HDAC4: variants seen among roughly 807,000 people sequenced by gnomAD.
HDAC4 encodes the protein histone deacetylase A.
HDAC4 carries 16 observed loss-of-function variants against 135.1 expected under a neutral mutation model. The observed-to-expected ratio is 0.12, with a 90% CI of 0.08 to 0.18. The LOEUF is 0.18. Among genes scored for constraint, HDAC4 ranks in the 10% least tolerant of loss-of-function variants. The probability of loss-of-function intolerance (pLI) is 1.00; values close to 1 mark genes in which losing one functional copy is unlikely to be tolerated. For missense variants in HDAC4, 1,143 were observed against 1,511.8 expected, an observed-to-expected ratio of 0.76 and a Z score of 4.05; for synonymous variants, 685 against 653.4, an observed-to-expected ratio of 1.05 and a Z score of -0.74.
chr2:239,090,133 C>T lies in HDAC4; in HGVS notation c.2281-17G>A, dbSNP rs779166933. On this transcript the variant is annotated splice_polypyrimidine_tract_variant and intron_variant, in intron 17 of 26. Coordinates refer to ENST00000543185, the MANE Select transcript of HDAC4 (RefSeq NM_001378414.1). The stretch of plus-strand genomic sequence containing the variant: ...ACTGTCCACCTGTGGAAACAACACC[C>T]CACAGTGAGGTCACCCTCCCAGGCC... 15 of 1,578,282 alleles carry T rather than the reference C, an allele frequency of 9.5e-6. No individual in the cohort carries two copies. The highest frequency in any genetic ancestry group is 3.3e-5 in the Admixed American group (2 of 59,972).
rs1203829098 is a variant in HDAC4 at position 239,400,820 on chromosome 2, C to A, written c.-220+158G>T. On this transcript the variant is annotated intron_variant, in intron 1 of 26. Transcript: ENST00000543185. This position sits in a 1 kb window ranked among gnomAD's most constrained non-coding sequence, Gnocchi z 4.7. ...GGCGACAGCCGGGACGCGGCCACGGCGCCGCCGGGGGCCCAGGCTGGGAGG... is the reference window on the plus strand; with the variant it reads ...GGCGACAGCCGGGACGCGGCCACGGAGCCGCCGGGGGCCCAGGCTGGGAGG... 6.9e-6 allele frequency: 1 copy of A among 145,340 alleles called. No individual in the cohort carries two copies. The highest frequency in any genetic ancestry group is 2.0e-4 in the East Asian group (1 of 4,976). 9.0% of individuals were successfully genotyped at this position (145,340 alleles called of 1,614,324 possible).
chr2:239,362,068 T>A (rs751123745), intron 1 of HDAC4, among the ~76,000 whole-genome samples: 1 of 152,226 alleles, frequency 6.6e-6, no homozygotes, highest in Non-Finnish European at 1.5e-5. Context: ...TCAAACACAA[T>A]GCCTTTTAGG....
Position 239,389,819 on chromosome 2 carries a change from G to T in HDAC4, c.-220+11159C>A, listed in dbSNP as rs111424844. ...CCATACCAGGGAGGCCAGTTCCCCAGCCGGCTTCTGGAAGAGGCATGTCCA... is the reference window on the plus strand; with the variant it reads ...CCATACCAGGGAGGCCAGTTCCCCATCCGGCTTCTGGAAGAGGCATGTCCA... On this transcript the variant is annotated intron_variant, in intron 1 of 26. Coordinates refer to ENST00000543185, the MANE Select transcript of HDAC4 (RefSeq NM_001378414.1). 8.4e-4 allele frequency among the ~76,000 whole-genome samples: 128 copies of T among 152,300 alleles called. 1 individual carries two copies. The highest frequency in any genetic ancestry group is 2.9e-3 in the African/African-American group (120 of 41,560).
chr2:239,095,576 C>G (rs1011190832), intron 16 of HDAC4, among the ~76,000 whole-genome samples: 1 of 152,164 alleles, frequency 6.6e-6, no homozygotes, highest in Non-Finnish European at 1.5e-5. Context: ...AGCGACAGCC[C>G]CTCCCTGCGA....
intron 2 of HDAC4, chr2:239,298,684 C>T (rs1218842670): frequency 2.1e-6 from 2 of 937,190 alleles, no homozygotes; most frequent in African/African-American, 1.8e-5. Flanking sequence ...CAGCACCCAA[C>T]AACGTGGAAA....
At chr2:239,396,392 C>T (rs1696564865) in intron 1 of HDAC4, among the ~76,000 whole-genome samples, 1 of 152,118 alleles carries the variant, frequency 6.6e-6, no homozygotes, top group Non-Finnish European at 1.5e-5. Flanking sequence ...AGGAAATTTC[C>T]ATACATTAAC....
intron 4 of HDAC4, among the ~76,000 whole-genome samples, chr2:239,187,614 C>G (rs1373509832): frequency 6.6e-6 from 1 of 152,188 alleles, no homozygotes; most frequent in Non-Finnish European, 1.5e-5. Context: ...TGGTCAGGGC[C>G]GTGAGGGAGG....
At chr2:239,274,370 A>T (rs1404477575) in intron 2 of HDAC4, among the ~76,000 whole-genome samples, 1 of 152,076 alleles carries the variant, frequency 6.6e-6, no homozygotes. Context: ...CACACTTGTG[A>T]TCATTACCAA....
At position 239,303,839 on chromosome 2, in the gene HDAC4, G is replaced by C. The variant is rs2052417089; in HGVS notation, c.22+48839C>G. 6.6e-6 allele frequency among the ~76,000 whole-genome samples: 1 copy of C among 152,166 alleles called. No individual in the cohort carries two copies. The highest frequency in any genetic ancestry group is 1.5e-5 in the Non-Finnish European group (1 of 68,026). ...ATGCTCTCATGAAGCCCCGTGCCAA[G>C]GGCTTCTCCGGGACCCCAGATACCC... On this transcript the variant is annotated intron_variant, in intron 2 of 26. Coordinates refer to ENST00000543185, the MANE Select transcript of HDAC4 (RefSeq NM_001378414.1). The surrounding 1 kb of genome is among the most constrained non-coding windows in gnomAD (Gnocchi z 5.1).
intron 2 of HDAC4, among the ~76,000 whole-genome samples, chr2:239,249,106 A>C (rs2048632610): frequency 6.6e-6 from 1 of 152,232 alleles, no homozygotes; most frequent in Admixed American, 6.5e-5. Flanking sequence ...AGGTGGTGGC[A>C]TTTGAGCCGA....
At chr2:239,227,504 G>A (rs1004188723) in intron 3 of HDAC4, among the ~76,000 whole-genome samples, 3 of 152,204 alleles carry the variant, frequency 2.0e-5, no homozygotes, top group African/African-American at 4.8e-5. Flanking sequence ...AGTGCCCTCT[G>A]CTACAGATGG....
At position 239,139,854 on chromosome 2, in the gene HDAC4, G is replaced by C; in HGVS notation, c.866-58C>G. Reference sequence around the variant, plus strand: ...CTCCATGCGGAGGGAGGGCCGTGCTGACCTGTGGCCCGAATGCCCGGTGCC... The same window carrying C: ...CTCCATGCGGAGGGAGGGCCGTGCTCACCTGTGGCCCGAATGCCCGGTGCC... On this transcript the variant is annotated intron_variant, in intron 8 of 26. Transcript: ENST00000543185. The surrounding 1 kb of genome is among the most constrained non-coding windows in gnomAD (Gnocchi z 5.3). 1 of 1,475,204 alleles carries C rather than the reference G, an allele frequency of 6.8e-7. No homozygotes were observed. 91.4% of individuals were successfully genotyped at this position (1,475,204 alleles called of 1,614,324 possible). A position where few individuals can be genotyped will look rare whatever the true frequency, so the allele number is the denominator to read the frequency against.
chr2:239,102,632 T>G (rs993701900), intron 16 of HDAC4, 144 bp downstream of exon 16: 47 of 868,736 alleles, frequency 5.4e-5, no homozygotes, highest in East Asian at 8.0e-5. Flanking sequence ...GAACAGAGGG[T>G]GAAAGGTTCC....
intron 21 of HDAC4, among the ~76,000 whole-genome samples, chr2:239,081,623 A>G (rs1283098904): frequency 1.3e-5 from 2 of 152,368 alleles, no homozygotes; most frequent in Admixed American, 1.3e-4. Context: ...TTCCTGGATG[A>G]AAGCCCTGCT....
intron 17 of HDAC4, chr2:239,091,779 G>C (rs565695567): frequency 6.6e-6 from 1 of 152,166 alleles, no homozygotes; most frequent in Non-Finnish European, 1.5e-5. Flanking sequence ...GCCAGATGTG[G>C]GCCGGGCGCA....
At chr2:239,108,817 G>A (rs1263791966) in intron 14 of HDAC4, among the ~76,000 whole-genome samples, 2 of 152,244 alleles carry the variant, frequency 1.3e-5, no homozygotes, top group African/African-American at 4.8e-5. Context: ...CCAGCCATGT[G>A]CTCACCACAG....
intron 2 of HDAC4, among the ~76,000 whole-genome samples, chr2:239,244,126 C>T (rs1480450034): frequency 1.3e-5 from 2 of 152,210 alleles, no homozygotes; most frequent in East Asian, 3.8e-4. Context: ...ACCAGAGAAG[C>T]CCCGATACCT....
intron 1 of HDAC4, among the ~76,000 whole-genome samples, chr2:239,369,798 C>T (rs1010785076): frequency 6.6e-6 from 1 of 152,164 alleles, no homozygotes; most frequent in African/African-American, 2.4e-5. Flanking sequence ...TCGTAGCCAC[C>T]TTTCATAGAA....
intron 2 of HDAC4, among the ~76,000 whole-genome samples, chr2:239,266,508 T>C (rs1259991836): frequency 6.6e-6 from 1 of 152,160 alleles, no homozygotes; most frequent in Non-Finnish European, 1.5e-5. Context: ...TGAGGACAAA[T>C]GAGGCTAACA....
Sources: allele counts gnomAD v4.1 joint callset (sites outside exome capture counted in the v4.1 genomes callset), GRCh38; gene constraint gnomAD v4.1.1; non-coding constraint Gnocchi (gnomAD v3.1); transcripts MANE v1.5; gene names NCBI Gene and HGNC (gene_info 2026-07-23, HGNC 2026-07-21).